CCDC88A: variants seen among roughly 807,000 people sequenced by gnomAD.
CCDC88A encodes the protein girdin.
Under a neutral mutation model 234.3 loss-of-function variants are expected in CCDC88A, and 54 were observed. That is an observed-to-expected ratio of 0.23 (90% CI 0.19 to 0.29). The LOEUF (loss-of-function observed/expected upper bound fraction) is 0.29. Among genes scored for constraint, CCDC88A ranks in the 10% least tolerant of loss-of-function variants. The probability of loss-of-function intolerance (pLI) is 1.00; values close to 1 mark genes in which losing one functional copy is unlikely to be tolerated. For synonymous variants in CCDC88A, 753 were observed against 737.8 expected, an observed-to-expected ratio of 1.02 and a Z score of -0.33; for missense variants, 1,832 against 2,123.4, an observed-to-expected ratio of 0.86 and a Z score of 2.70.
chr2:55,376,622 T>C (rs1210902959), intron 3 of CCDC88A, among the ~76,000 whole-genome samples: 1 of 152,194 alleles, frequency 6.6e-6, no homozygotes, highest in Admixed American at 6.5e-5. Flanking sequence ...TGCCAAAATA[T>C]GCCTGCATTT....
At position 55,317,228 on chromosome 2, in the gene CCDC88A, T is replaced by G; in HGVS notation, c.3724A>C (p.Lys1242Gln). The change falls in exon 21 of 33, where the codon AAA (lysine) becomes CAA (glutamine). Residue 1242 changes from lysine to glutamine, a missense_variant. Transcript: ENST00000436346. This position sits in a 1 kb window ranked among gnomAD's most constrained non-coding sequence, Gnocchi z 4.2. ...TACCTATCATTTTCACCACAAAGTT[T>G]CTTGTATTCTGCAGCTACTGTTTCA... ...NHETVAAEYK[K>Q]LCGENDRLNH... The G allele has an allele frequency of 6.6e-7, 1 of 1,513,534 alleles. No individual in the cohort carries two copies. Among genetic ancestry groups the G allele is most frequent in the Non-Finnish European group, 8.9e-7 (1 of 1,124,162 alleles). The allele number at this position is 1,513,534 out of a possible 1,614,324, so 93.8% of individuals were successfully genotyped here. A position where few individuals can be genotyped will look rare whatever the true frequency, so the allele number is the denominator to read the frequency against.
At chr2:55,316,319 T>C (rs1036532406) in intron 21 of CCDC88A, among the ~76,000 whole-genome samples, 5 of 152,196 alleles carry the variant, frequency 3.3e-5, no homozygotes, top group South Asian at 2.1e-4. Flanking sequence ...TTGAAAATAA[T>C]TTTTAATTTC....
intron 23 of CCDC88A, among the ~76,000 whole-genome samples, chr2:55,310,124 G>T (rs1005529668): frequency 6.6e-6 from 1 of 152,188 alleles, no homozygotes. Context: ...GCTAAGTTAT[G>T]TTTAGCTTGA....
At chr2:55,345,646 C>T (rs1489041137) in intron 10 of CCDC88A, 1 of 152,592 alleles carries the variant, frequency 6.6e-6, no homozygotes, top group African/African-American at 2.4e-5. Context: ...ATCTACCCAC[C>T]TTGGCCTCCC....
chr2:55,329,915 A>G (rs1684717531), intron 16 of CCDC88A: 1 of 152,006 alleles, frequency 6.6e-6, no homozygotes, highest in South Asian at 2.1e-4. Flanking sequence ...GTGCACCACC[A>G]CGCCTGGCTA....
intron 8 of CCDC88A, among the ~76,000 whole-genome samples, chr2:55,350,796 A>C (rs1364355982): frequency 1.3e-5 from 2 of 152,066 alleles, no homozygotes; most frequent in East Asian, 3.9e-4. Flanking sequence ...AATAGCTGGG[A>C]CTATAGGCAT....
chr2:55,355,509 C>A, intron 8 of CCDC88A, 70 bp downstream of exon 8: 2 of 1,314,234 alleles, frequency 1.5e-6, no homozygotes, highest in South Asian at 1.2e-5. Flanking sequence ...TTTCCATAAG[C>A]TTAAAAATAT....
intron 23 of CCDC88A, among the ~76,000 whole-genome samples, chr2:55,312,179 T>C (rs1293871287): frequency 1.3e-5 from 2 of 152,232 alleles, no homozygotes; most frequent in Admixed American, 6.5e-5. Context: ...CTCCTACATA[T>C]ACTTCCATTA....
At chr2:55,325,823 T>C (rs1404623407) in intron 17 of CCDC88A, among the ~76,000 whole-genome samples, 2 of 152,226 alleles carry the variant, frequency 1.3e-5, no homozygotes, top group Non-Finnish European at 2.9e-5. Context: ...GCATAAACAT[T>C]TAACCTTGTT....
chr2:55,345,239 T>C (rs955329526), intron 10 of CCDC88A: 2 of 152,204 alleles, frequency 1.3e-5, no homozygotes, highest in African/African-American at 4.8e-5. Flanking sequence ...GTCTACTTAC[T>C]GGTAACCTTT....
In CCDC88A at chr2:55,346,132, A is replaced by G. The variant is rs1341811933; in HGVS notation, c.1041+43T>C. On this transcript the variant is annotated intron_variant, in intron 10 of 32. Transcript: ENST00000436346. ...TGCATTTTAAATGTGTTAAAATTCT[A>G]ACACAGAAAAAAAAATCATGAATGG... is the stretch of plus-strand genomic sequence containing the variant. 3 of 1,445,626 alleles carry G rather than the reference A, an allele frequency of 2.1e-6. No individual in the cohort carries two copies. The African/African-American group carries it at 4.3e-5, about 21-fold the overall frequency. The allele number at this position is 1,445,626 out of a possible 1,614,324, so 89.5% of individuals were successfully genotyped here.
intron 25 of CCDC88A, chr2:55,308,373 T>G (rs1330833138): frequency 6.5e-6 from 1 of 153,834 alleles, no homozygotes; most frequent in African/African-American, 2.4e-5. Context: ...TGTTCCAATG[T>G]GACACCATCA....
chr2:55,361,378 C>A (rs1671290191), intron 7 of CCDC88A, among the ~76,000 whole-genome samples: 1 of 152,058 alleles, frequency 6.6e-6, no homozygotes, highest in South Asian at 2.1e-4. Context: ...GTCTCAAAGT[C>A]CTAGCTTTTT....
rs1685366664 is a variant in CCDC88A, at chr2:55,335,440, T to C, written c.1657-276A>G. ...AACGGTTGAGAAATGTATTTTCTAT[T>C]AATCATAATGGTCTTCAGATTATTT... On this transcript the variant is annotated intron_variant, in intron 14 of 32. Coordinates refer to ENST00000436346, the MANE Select transcript of CCDC88A (RefSeq NM_001365480.1). The surrounding 1 kb of genome is among the most constrained non-coding windows in gnomAD (Gnocchi z 4.5). 6.6e-6 allele frequency among the ~76,000 whole-genome samples: 1 copy of C among 152,204 alleles called. No individual in the cohort carries two copies. The highest frequency in any genetic ancestry group is 6.5e-5 in the Admixed American group (1 of 15,282).
intron 22 of CCDC88A, chr2:55,315,414 T>C (rs1185380191): frequency 6.6e-6 from 1 of 152,376 alleles, no homozygotes; most frequent in African/African-American, 2.4e-5. Context: ...CAATTTGCTA[T>C]ATGCCCTTGT....
intron 8 of CCDC88A, among the ~76,000 whole-genome samples, chr2:55,353,867 T>C (rs1342962822): frequency 6.6e-6 from 1 of 152,182 alleles, no homozygotes; most frequent in Non-Finnish European, 1.5e-5. Context: ...AGTCATGCAT[T>C]GTTTAAGTAT....
chr2:55,360,300 A>C (rs757980784), intron 7 of CCDC88A, among the ~76,000 whole-genome samples: 1 of 152,200 alleles, frequency 6.6e-6, no homozygotes, highest in Non-Finnish European at 1.5e-5. Context: ...CAAAACAAAA[A>C]AAGTTAAAGA....
chr2:55,322,819 T>A (rs1375752082), intron 17 of CCDC88A, 127 bp from the exon 18 acceptor site: 3 of 475,846 alleles, frequency 6.3e-6, no homozygotes, highest in Non-Finnish European at 1.1e-5. Flanking sequence ...ATGTGATGAA[T>A]AATATGTATG....
rs1488487633 is a variant in CCDC88A, at chr2:55,334,245, A to G, written c.2576T>C (p.Ile859Thr). Residue 859 changes from isoleucine to threonine, a missense_variant, in exon 15 of 33, where the codon ATT becomes ACT. Ile to Thr is a moderately conservative substitution (Grantham distance 89). This residue lies in a region of CCDC88A where 1,282 missense variants were observed against 1,543.6 expected (regional missense o/e 0.83). Coordinates refer to ENST00000436346, the MANE Select transcript of CCDC88A (RefSeq NM_001365480.1). The surrounding 1 kb of genome is among the most constrained non-coding windows in gnomAD (Gnocchi z 6.1). ...DTTLEENNVK[I>T]GNLEKENKTL... ...TTTGTTTTCTTTTTCCAAATTTCCA[A>G]TCTTCACATTATTTTCTTCTAATGT... 6 of 1,439,094 alleles carry G rather than the reference A, an allele frequency of 4.2e-6. No homozygotes were observed. Among genetic ancestry groups the G allele is most frequent in the African/African-American group, 1.5e-5 (1 of 68,172 alleles). The allele number at this position is 1,439,094 out of a possible 1,614,324, so 89.1% of individuals were successfully genotyped here.
Sources: allele counts gnomAD v4.1 joint callset (sites outside exome capture counted in the v4.1 genomes callset), GRCh38; gene constraint gnomAD v4.1.1; regional missense constraint gnomAD v4.1.1; non-coding constraint Gnocchi (gnomAD v3.1); transcripts MANE v1.5; gene names NCBI Gene and HGNC (gene_info 2026-07-23, HGNC 2026-07-21).